The following ARHGAP24 variants were observed in gnomAD, a reference collection of about 807,000 sequenced individuals.
The protein encoded by ARHGAP24 is Rho GTPase activating protein 24, also known as rho GTPase-activating protein 24.
ARHGAP24 carries 50 observed loss-of-function variants against 76.4 expected under a neutral mutation model. That is an observed-to-expected ratio of 0.65 (90% confidence interval 0.52 to 0.83). The LOEUF is 0.83. Ranked by LOEUF, ARHGAP24 falls within the 40% of genes least tolerant of loss-of-function variation. The pLI is 0.00. For missense variants in ARHGAP24, 930 were observed against 914.2 expected (o/e 1.02, Z -0.22); for synonymous variants, 345 against 323.3 (o/e 1.07, Z -0.72).
At chr4:85,655,792 T>TATAG (rs1553920518) in intron 2 of ARHGAP24, among the ~76,000 whole-genome samples, 38 of 37,696 alleles carry the variant, frequency 1.0e-3, no homozygotes, top group Admixed American at 1.9e-3. Context: ...TATATATATA[T>TATAG]AGAGAGAGAG....
chr4:85,714,144 C>A (rs1724640000), intron 2 of ARHGAP24, among the ~76,000 whole-genome samples: 1 of 152,030 alleles, frequency 6.6e-6, no homozygotes, highest in Non-Finnish European at 1.5e-5. Context: ...GGCTATGCTC[C>A]CAAGAAGAAT....
chr4:85,550,395 G>A (rs796878566), intron 1 of ARHGAP24, among the ~76,000 whole-genome samples: 1 of 152,136 alleles, frequency 6.6e-6, no homozygotes, highest in East Asian at 1.9e-4. Context: ...ATTCTGTTCC[G>A]TTGGTCTATG....
chr4:85,737,888 A>G (rs1471111049), intron 3 of ARHGAP24, among the ~76,000 whole-genome samples: 1 of 152,088 alleles, frequency 6.6e-6, no homozygotes, highest in Non-Finnish European at 1.5e-5. Flanking sequence ...CTTTGATTAT[A>G]TTAGTATTAA....
intron 2 of ARHGAP24, among the ~76,000 whole-genome samples, chr4:85,614,590 A>G (rs966888144): frequency 2.0e-5 from 3 of 152,080 alleles, no homozygotes; most frequent in Non-Finnish European, 2.9e-5. Context: ...AAAGAAAGCT[A>G]TTGAAAAAAA....
At chr4:85,820,121 A>T (rs776331492) in intron 3 of ARHGAP24, among the ~76,000 whole-genome samples, 1 of 152,232 alleles carries the variant, frequency 6.6e-6, no homozygotes, top group Non-Finnish European at 1.5e-5. Context: ...TGCCCTGGCA[A>T]TTCCATTATT....
chr4:85,981,483 A>G (rs1288002917), intron 8 of ARHGAP24, among the ~76,000 whole-genome samples: 4 of 152,182 alleles, frequency 2.6e-5, no homozygotes, highest in African/African-American at 9.7e-5. Context: ...AGCATAACTC[A>G]GTGAATTTTC....
chr4:85,545,984 A>T (rs1435937624), intron 1 of ARHGAP24, among the ~76,000 whole-genome samples: 1 of 152,216 alleles, frequency 6.6e-6, no homozygotes, highest in East Asian at 1.9e-4. Flanking sequence ...CTGTAGCCAT[A>T]CTACCCAGGT....
At chr4:85,884,401 C>T (rs1381977066) in intron 3 of ARHGAP24, among the ~76,000 whole-genome samples, 2 of 152,112 alleles carry the variant, frequency 1.3e-5, no homozygotes, top group African/African-American at 2.4e-5. Context: ...CATTGTCGAG[C>T]CCTTTGTTGT....
intron 3 of ARHGAP24, among the ~76,000 whole-genome samples, chr4:85,885,564 A>T (rs1733517808): frequency 6.6e-6 from 1 of 152,122 alleles, no homozygotes; most frequent in Non-Finnish European, 1.5e-5. Context: ...TTTGAAGTAT[A>T]ACAAAACCAT....
intron 2 of ARHGAP24, among the ~76,000 whole-genome samples, chr4:85,704,834 G>T (rs1389027374): frequency 6.6e-6 from 1 of 152,026 alleles, no homozygotes; most frequent in Non-Finnish European, 1.5e-5. Flanking sequence ...AAAGATTTTT[G>T]AATGTATAAG....
intron 3 of ARHGAP24, among the ~76,000 whole-genome samples, chr4:85,836,708 A>G (rs543337895): frequency 7.5e-4 from 114 of 152,324 alleles, no homozygotes; most frequent in African/African-American, 2.7e-3. Flanking sequence ...AAGAAATAAT[A>G]GTAATGGGAG....
At chr4:85,630,688 C>CT (rs1721129734) in intron 2 of ARHGAP24, among the ~76,000 whole-genome samples, 1 of 151,952 alleles carries the variant, frequency 6.6e-6, no homozygotes, top group Admixed American at 6.6e-5. Flanking sequence ...ATATGAGTAT[C>CT]TTTTTCTAAT....
chr4:85,684,849 T>G (rs929249218), intron 2 of ARHGAP24, among the ~76,000 whole-genome samples: 20 of 152,218 alleles, frequency 1.3e-4, no homozygotes, highest in African/African-American at 4.8e-4. Context: ...GTCATGTCCT[T>G]GAGATTCTCA....
intron 3 of ARHGAP24, among the ~76,000 whole-genome samples, chr4:85,783,077 T>C (rs1727638784): frequency 6.6e-6 from 1 of 152,166 alleles, no homozygotes; most frequent in African/African-American, 2.4e-5. Flanking sequence ...CAAACAGTAA[T>C]TTGGAACTGT....
At chr4:85,727,558 C>T (rs1009761996) in intron 3 of ARHGAP24, among the ~76,000 whole-genome samples, 1 of 152,108 alleles carries the variant, frequency 6.6e-6, no homozygotes, top group African/African-American at 2.4e-5. Flanking sequence ...GTGGATTCTA[C>T]GGATGGAGTG....
At chr4:85,939,513 T>C (rs1034376186) in intron 4 of ARHGAP24, among the ~76,000 whole-genome samples, 2 of 152,174 alleles carry the variant, frequency 1.3e-5, no homozygotes, top group Non-Finnish European at 2.9e-5. Flanking sequence ...GTGTTTCTTA[T>C]GAAGATGAGA....
chr4:85,546,787 C>T (rs1725935599), intron 1 of ARHGAP24, among the ~76,000 whole-genome samples: 1 of 152,110 alleles, frequency 6.6e-6, no homozygotes. Flanking sequence ...TTTGTTTTTA[C>T]TTATTATTTT....
chr4:85,478,131 G>A (rs776528454), intron 1 of ARHGAP24, among the ~76,000 whole-genome samples: 10 of 152,160 alleles, frequency 6.6e-5, no homozygotes, highest in Non-Finnish European at 1.3e-4. Context: ...GATAACAAGA[G>A]CCTGAGACAT....
At chr4:85,771,952 A>G (rs563616536) in intron 3 of ARHGAP24, among the ~76,000 whole-genome samples, 228 of 152,128 alleles carry the variant, frequency 1.5e-3, no homozygotes, top group African/African-American at 5.2e-3. Context: ...TAAGTGATCC[A>G]CCCACCTTGG....
Sources: gnomAD v4.1 joint callset for allele counts (sites outside exome capture counted in the v4.1 genomes callset) on GRCh38, gnomAD v4.1.1 for gene constraint, MANE v1.5 for transcripts, NCBI Gene and HGNC (gene_info 2026-07-23, HGNC 2026-07-21) for gene names.